PRR16: variants seen among roughly 807,000 people sequenced by gnomAD.
The protein encoded by PRR16 is protein Largen.
In PRR16, 6 loss-of-function variants were observed where a neutral mutation model predicts 18.2. The observed-to-expected ratio is 0.33, with a 90% confidence interval of 0.18 to 0.65. PRR16 has a LOEUF of 0.65. Ranked by LOEUF, PRR16 falls within the 30% of genes least tolerant of loss-of-function variation. The pLI is 0.74. For missense variants in PRR16, 412 were observed against 376.6 expected (o/e 1.09, Z -0.78); for synonymous variants, 151 against 147.8 (o/e 1.02, Z -0.16).
intron 1 of PRR16, among the ~76,000 whole-genome samples, chr5:120,622,113 T>G (rs1393214300): frequency 6.6e-6 from 1 of 152,154 alleles, no homozygotes; most frequent in Admixed American, 6.6e-5. Context: ...TCCATGGCAC[T>G]TATCACTTTA....
At chr5:120,650,944 A>G (rs1164697390) in intron 1 of PRR16, among the ~76,000 whole-genome samples, 1 of 152,078 alleles carries the variant, frequency 6.6e-6, no homozygotes, top group African/African-American at 2.4e-5. Flanking sequence ...AGTCCCACCA[A>G]CAGTGTAAAA....
chr5:120,522,765 G>A (rs987946794), intron 1 of PRR16, among the ~76,000 whole-genome samples: 9 of 148,828 alleles, frequency 6.0e-5, no homozygotes, highest in South Asian at 2.1e-4. Flanking sequence ...GCCACCATGC[G>A]TGGCTATTTT....
downstream of PRR16, among the ~76,000 whole-genome samples, chr5:120,688,847 G>C (rs551084213): frequency 2.6e-5 from 4 of 152,096 alleles, no homozygotes; most frequent in Non-Finnish European, 5.9e-5. Flanking sequence ...AAATTTAATC[G>C]TTCAAGCTGG....
At chr5:120,760,025 G>T in the PRR16 span, among the ~76,000 whole-genome samples, 1 of 152,142 alleles carries the variant, frequency 6.6e-6, no homozygotes, top group Admixed American at 6.6e-5. Context: ...TAGGACTAGA[G>T]TCTCTAAGTC....
At chr5:120,727,218 T>C in the PRR16 span, among the ~76,000 whole-genome samples, 1 of 152,100 alleles carries the variant, frequency 6.6e-6, no homozygotes, top group Admixed American at 6.6e-5. Flanking sequence ...GTATATCTGC[T>C]GCTCCAAGAT....
At chr5:120,718,860 A>G in the PRR16 span, among the ~76,000 whole-genome samples, 2 of 152,084 alleles carry the variant, frequency 1.3e-5, no homozygotes, top group Non-Finnish European at 2.9e-5. Context: ...AACTAATGAA[A>G]CAGTAAAAGA....
At chr5:120,747,323 T>C in the PRR16 span, among the ~76,000 whole-genome samples, 1 of 152,188 alleles carries the variant, frequency 6.6e-6, no homozygotes, top group Admixed American at 6.6e-5. Context: ...AAGTTTTATT[T>C]TTTACCTTTT....
chr5:120,545,492 A>G (rs1287499132), intron 1 of PRR16, among the ~76,000 whole-genome samples: 1 of 152,014 alleles, frequency 6.6e-6, no homozygotes, highest in East Asian at 1.9e-4. Flanking sequence ...CTCACCTTAT[A>G]CTTTTTATTC....
chr5:120,539,061 G>A (rs1751823670), intron 1 of PRR16, among the ~76,000 whole-genome samples: 1 of 152,114 alleles, frequency 6.6e-6, no homozygotes, highest in Admixed American at 6.5e-5. Context: ...AAAACAGAAA[G>A]GAGTGGCTCA....
the PRR16 span, among the ~76,000 whole-genome samples, chr5:120,733,004 C>G: frequency 3.3e-5 from 5 of 152,072 alleles, no homozygotes; most frequent in African/African-American, 4.8e-5. Context: ...GCTGTTGGAA[C>G]CTGACAAAAT....
intron 1 of PRR16, among the ~76,000 whole-genome samples, chr5:120,522,755 G>C (rs778535166): frequency 6.6e-6 from 1 of 151,710 alleles, no homozygotes; most frequent in Non-Finnish European, 1.5e-5. Context: ...ACAGGCGCCC[G>C]CCACCATGCG....
chr5:120,608,449 T>C (rs891203682), intron 1 of PRR16, among the ~76,000 whole-genome samples: 1 of 152,126 alleles, frequency 6.6e-6, no homozygotes. Context: ...GAGGCAGAAG[T>C]GAATAATGCA....
At chr5:120,718,280 C>T in the PRR16 span, among the ~76,000 whole-genome samples, 4 of 152,066 alleles carry the variant, frequency 2.6e-5, no homozygotes, top group Non-Finnish European at 5.9e-5. Context: ...TCTGACTTCA[C>T]GTATCAGAAA....
At chr5:120,679,175 AC>A (rs1285340619) in intron 1 of PRR16, among the ~76,000 whole-genome samples, 1 of 152,122 alleles carries the variant, frequency 6.6e-6, no homozygotes, top group African/African-American at 2.4e-5. Flanking sequence ...TCTTTGTTTC[AC>A]TGTGATTAAC....
chr5:120,646,960 G>A lies in PRR16; in HGVS notation c.160-38994G>A, dbSNP rs1013860887. On this transcript the variant is annotated intron_variant, in intron 1 of 1. Coordinates refer to ENST00000407149, the MANE Select transcript of PRR16 (RefSeq NM_001300783.2). ...GGTTGCAGAGACAGCATGTTATAAT[G>A]AAAAAAGGCAATAGTTCCTCTAGTT... 4.0e-4 allele frequency among the ~76,000 whole-genome samples: 61 copies of A among 151,814 alleles called. 2 individuals are homozygous for A. The highest frequency in any genetic ancestry group is 1.0e-4 in the Non-Finnish European group (7 of 67,854).
the PRR16 span, among the ~76,000 whole-genome samples, chr5:120,728,627 G>A: frequency 6.6e-6 from 1 of 152,070 alleles, no homozygotes; most frequent in Non-Finnish European, 1.5e-5. Flanking sequence ...AATTTATGTT[G>A]GTATTTTCAA....
At chr5:120,766,527 TG>T in the PRR16 span, among the ~76,000 whole-genome samples, 8 of 151,958 alleles carry the variant, frequency 5.3e-5, no homozygotes, top group Admixed American at 1.3e-4. Context: ...TCTTTCTTTG[TG>T]GGTTATGTTT....
chr5:120,502,059 T>G (rs1372829943), intron 1 of PRR16, among the ~76,000 whole-genome samples: 5 of 146,430 alleles, frequency 3.4e-5, no homozygotes, highest in Admixed American at 6.8e-5. Context: ...AGTACGTTAA[T>G]AAAAGTGTGA....
intron 1 of PRR16, among the ~76,000 whole-genome samples, chr5:120,627,350 C>T (rs1248349057): frequency 1.3e-5 from 2 of 152,080 alleles, no homozygotes; most frequent in South Asian, 2.1e-4. Flanking sequence ...TAATTCTGTA[C>T]AGCCATAGTA....
Sources: gnomAD v4.1 joint callset for allele counts (sites outside exome capture counted in the v4.1 genomes callset) on GRCh38, gnomAD v4.1.1 for gene constraint, MANE v1.5 for transcripts, NCBI Gene and HGNC (gene_info 2026-07-23, HGNC 2026-07-21) for gene names.